PTPN12: variants seen among roughly 807,000 people sequenced by gnomAD.
PTPN12 encodes protein tyrosine phosphatase non-receptor type 12, also known as tyrosine-protein phosphatase non-receptor type 12.
A neutral mutation model predicts 97.6 loss-of-function variants in PTPN12; 29 were observed. That is an observed-to-expected ratio of 0.30 (90% CI 0.22 to 0.41). The LOEUF (loss-of-function observed/expected upper bound fraction) is 0.41, where lower values mean the gene tolerates loss of function less well. PTPN12 is among the 10% of genes least tolerant of loss of function. The probability of loss-of-function intolerance (pLI) is 1.00; values close to 1 mark genes in which losing one functional copy is unlikely to be tolerated. For missense variants in PTPN12, 819 were observed against 926.0 expected (o/e 0.88, Z 1.50); for synonymous variants, 327 against 300.4 (o/e 1.09, Z -0.91).
rs546819431 is a variant in PTPN12, at chr7:77,544,766, T to A, written c.99+7121T>A. The stretch of plus-strand genomic sequence containing the variant: ...GGACTTAATTATCCCTGTATCCCCA[T>A]TGCTTAATATAGTGCTTGGCATTTA... On this transcript the variant is annotated intron_variant, in intron 1 of 17. Transcript: ENST00000248594. Among the ~76,000 whole-genome samples, 17 of 152,346 alleles carry A rather than the reference T, an allele frequency of 1.1e-4. No homozygotes were observed. In the South Asian group the frequency reaches 3.5e-3, roughly 32 times the overall value.
At position 77,627,975 on chromosome 7, in the gene PTPN12, C is replaced by G. The variant is rs73370373; in HGVS notation, c.1996+300C>G. Among the ~76,000 whole-genome samples, 1,449 of 152,200 alleles carry G rather than the reference C, an allele frequency of 9.5e-3. 31 individuals are homozygous for G. Among genetic ancestry groups the G allele is most frequent in the African/African-American group, 0.033 (1,379 of 41,538 alleles). On this transcript the variant is annotated intron_variant, in intron 13 of 17. Transcript: ENST00000248594. Reference sequence around the variant, plus strand: ...GTTTTTGTATCGGTCAAAAATTTATCTGACTGAATAATTAGAAATAATTTA... The same window carrying G: ...GTTTTTGTATCGGTCAAAAATTTATGTGACTGAATAATTAGAAATAATTTA...
chr7:77,585,425 T>A, intron 4 of PTPN12, 118 bp from the exon 5 acceptor site: 2 of 805,460 alleles, frequency 2.5e-6, no homozygotes, highest in Non-Finnish European at 4.0e-6. Context: ...AAACTACTTT[T>A]TTAGGCAAGC....
intron 1 of PTPN12, among the ~76,000 whole-genome samples, chr7:77,563,148 G>GC (rs1374453955): frequency 6.6e-6 from 1 of 152,140 alleles, no homozygotes; most frequent in Non-Finnish European, 1.5e-5. Flanking sequence ...GATCTCCTTC[G>GC]CTAGTAATTG....
chr7:77,540,430 A>G (rs1049508900), intron 1 of PTPN12, among the ~76,000 whole-genome samples: 44 of 151,206 alleles, frequency 2.9e-4, no homozygotes, highest in Admixed American at 2.5e-3. Flanking sequence ...TAGAGATGGG[A>G]TTTCACCATA....
chr7:77,602,895 T>A lies in PTPN12; in HGVS notation c.695+2089T>A, dbSNP rs535589251. ...CATTTGTTATAAAAAGTAAATGAGA[T>A]TTTTCAAACTTAAGAGATTTATTTT... On this transcript the variant is annotated intron_variant, in intron 8 of 17. Coordinates refer to ENST00000248594, the MANE Select transcript of PTPN12 (RefSeq NM_002835.4). 5.3e-5 allele frequency among the ~76,000 whole-genome samples: 8 copies of A among 152,310 alleles called. No homozygotes were observed. The South Asian group carries it at 1.7e-3, about 32-fold the overall frequency.
intron 1 of PTPN12, among the ~76,000 whole-genome samples, chr7:77,541,838 T>C (rs1167974881): frequency 6.6e-6 from 1 of 152,194 alleles, no homozygotes; most frequent in Non-Finnish European, 1.5e-5. Flanking sequence ...CTATGTTGCC[T>C]AGATGGTTAT....
At chr7:77,625,796 C>T (rs1458063372) in intron 12 of PTPN12, among the ~76,000 whole-genome samples, 1 of 151,680 alleles carries the variant, frequency 6.6e-6, no homozygotes, top group African/African-American at 2.4e-5. Context: ...TCTCAAACTC[C>T]TGAGCTCAAT....
chr7:77,594,468 A>G (rs1787963565), intron 6 of PTPN12, among the ~76,000 whole-genome samples: 1 of 152,160 alleles, frequency 6.6e-6, no homozygotes, highest in South Asian at 2.1e-4. Context: ...AGTTCTGTGT[A>G]GTATGGTTGT....
chr7:77,637,978 A>G (rs1288541894), intron 16 of PTPN12, among the ~76,000 whole-genome samples: 1 of 70,354 alleles, frequency 1.4e-5, no homozygotes, highest in African/African-American at 5.5e-5. Context: ...TTTTTTTGAG[A>G]CAGAGGTCTT....
intron 1 of PTPN12, among the ~76,000 whole-genome samples, chr7:77,557,313 G>A (rs1185172089): frequency 6.6e-6 from 1 of 152,094 alleles, no homozygotes; most frequent in Non-Finnish European, 1.5e-5. Context: ...TGAGCCTCTA[G>A]CAGTTCATCA....
At chr7:77,625,955 G>C (rs1022473675) in intron 12 of PTPN12, among the ~76,000 whole-genome samples, 10 of 152,116 alleles carry the variant, frequency 6.6e-5, no homozygotes, top group Admixed American at 5.9e-4. Context: ...AGGAAAATGA[G>C]ACCTGGGAAA....
At chr7:77,599,314 C>T (rs1038265529) in intron 7 of PTPN12, among the ~76,000 whole-genome samples, 2 of 127,224 alleles carry the variant, frequency 1.6e-5, no homozygotes, top group Non-Finnish European at 1.6e-5. Flanking sequence ...CACAGCGCCC[C>T]GACTTTTTTT....
chr7:77,552,771 A>C (rs1212145667), intron 1 of PTPN12, among the ~76,000 whole-genome samples: 1 of 152,238 alleles, frequency 6.6e-6, no homozygotes, highest in African/African-American at 2.4e-5. Context: ...ATGGTTTACA[A>C]CAGTTATATA....
At chr7:77,595,764 AT>A (rs1346008272) in intron 6 of PTPN12, among the ~76,000 whole-genome samples, 1 of 152,190 alleles carries the variant, frequency 6.6e-6, no homozygotes, top group Non-Finnish European at 1.5e-5. Flanking sequence ...TAATAGTATT[AT>A]TTTTATTAAT....
intron 12 of PTPN12, among the ~76,000 whole-genome samples, chr7:77,625,472 G>GCTCTCGCTCGCT (rs1554326599): frequency 1.5e-4 from 5 of 33,522 alleles, no homozygotes; most frequent in Non-Finnish European, 2.5e-4. Context: ...CAGGCTGCTC[G>GCTCTCGCTCGCT]CTCTCTCTCT....
intron 1 of PTPN12, chr7:77,538,798 G>T (rs1197921561): frequency 6.6e-6 from 1 of 151,970 alleles, no homozygotes; most frequent in African/African-American, 2.4e-5. Flanking sequence ...GGTGGTTGCG[G>T]CTGCTGCTCC....
Position 77,607,434 on chromosome 7 carries a change from G to A in PTPN12, c.762+133G>A, listed in dbSNP as rs771864356. On this transcript the variant is annotated intron_variant, in intron 9 of 17. Transcript: ENST00000248594. Reference sequence around the variant, plus strand: ...TTTCCAAAGTAGTTTTATTAAGTAAGAAATAAAGGTAGTGAAGGCCGGGCA... The same window carrying A: ...TTTCCAAAGTAGTTTTATTAAGTAAAAAATAAAGGTAGTGAAGGCCGGGCA... The A allele has an allele frequency of 7.1e-6, 5 of 699,740 alleles. 1 individual carries two copies. In the South Asian group the frequency reaches 9.8e-5, roughly 14 times the overall value. The allele number at this position is 699,740 out of a possible 1,614,324, so 43.3% of individuals were successfully genotyped here. A position where few individuals can be genotyped will look rare whatever the true frequency, so the allele number is the denominator to read the frequency against.
Position 77,585,525 on chromosome 7 carries a change from C to T in PTPN12, c.382-18C>T, listed in dbSNP as rs902021737. 10 of 1,600,160 alleles carry T rather than the reference C, an allele frequency of 6.2e-6. No individual in the cohort carries two copies. In the African/African-American group the frequency reaches 1.3e-4, roughly 21 times the overall value. Reference sequence around the variant, plus strand: ...AACTGATACGTTCTTTATCTCACTCCCCACCATCACTTTTTAGATCATTGT... The same window carrying T: ...AACTGATACGTTCTTTATCTCACTCTCCACCATCACTTTTTAGATCATTGT... On this transcript the variant is annotated intron_variant, in intron 4 of 17. Transcript: ENST00000248594.
At chr7:77,634,747 T>G (rs1198469480) in intron 14 of PTPN12, among the ~76,000 whole-genome samples, 1 of 152,064 alleles carries the variant, frequency 6.6e-6, no homozygotes, top group East Asian at 1.9e-4. Context: ...GGCTAATTTT[T>G]TTGTATTTTT....
Sources: gnomAD v4.1 joint callset for allele counts (sites outside exome capture counted in the v4.1 genomes callset) on GRCh38, gnomAD v4.1.1 for gene constraint, MANE v1.5 for transcripts, NCBI Gene and HGNC (gene_info 2026-07-23, HGNC 2026-07-21) for gene names.